DMD: variants seen among roughly 807,000 people sequenced by gnomAD.
The protein encoded by DMD is mutant dystrophin.
A neutral mutation model predicts 330.1 loss-of-function variants in DMD; 63 were observed. That is an observed-to-expected ratio of 0.19 (90% CI 0.16 to 0.24). DMD has a LOEUF of 0.24. DMD is among the 10% of genes least tolerant of loss of function. The pLI is 1.00. For missense variants in DMD, 3,344 were observed against 2,684.1 expected, an observed-to-expected ratio of 1.25 and a Z score of -5.43; for synonymous variants, 1,223 against 959.8, an observed-to-expected ratio of 1.27 and a Z score of -5.07.
chrX:31,499,245 AT>A (rs1480669310), intron 56 of DMD, among the ~76,000 whole-genome samples: 1 of 111,378 alleles, frequency 9.0e-6, no homozygotes, highest in Admixed American at 9.6e-5. Flanking sequence ...ACGATGACTA[AT>A]GTTTGGCCTC....
At chrX:32,914,921 T>C (rs925783562) in intron 2 of DMD, among the ~76,000 whole-genome samples, 3 of 111,883 alleles carry the variant, frequency 2.7e-5, no homozygotes, top group African/African-American at 9.7e-5. Context: ...CATTTTTTTT[T>C]TGGATGAGAA....
At chrX:32,952,293 C>T (rs1439603162) in intron 2 of DMD, among the ~76,000 whole-genome samples, 1 of 110,293 alleles carries the variant, frequency 9.1e-6, no homozygotes, top group East Asian at 2.8e-4. Context: ...ACCACTGCAC[C>T]CGGCTAATTT....
chrX:32,389,738 T>C, intron 31 of DMD, 64 bp from the exon 32 acceptor site: 1 of 1,026,140 alleles, frequency 9.7e-7, no homozygotes, highest in Non-Finnish European at 1.4e-6. Context: ...CTGGTCCTAT[T>C]TTTATTGATA....
chrX:32,081,876 T>C (rs185646075), intron 44 of DMD, among the ~76,000 whole-genome samples: 40 of 110,006 alleles, frequency 3.6e-4, no homozygotes, highest in Non-Finnish European at 6.5e-4. Flanking sequence ...ATAATAATAA[T>C]AACAACAAAT....
chrX:32,549,925 T>C (rs1474548626), intron 16 of DMD, among the ~76,000 whole-genome samples: 1 of 112,474 alleles, frequency 8.9e-6, no homozygotes, highest in Non-Finnish European at 1.9e-5. Context: ...AATAAAATAC[T>C]TTTTTTCTAC....
chrX:32,688,114 G>C (rs1480894858), intron 9 of DMD, among the ~76,000 whole-genome samples: 1 of 111,668 alleles, frequency 9.0e-6, no homozygotes, highest in Non-Finnish European at 1.9e-5. Flanking sequence ...GCCCTGACCT[G>C]CTTAAACACC....
At chrX:32,629,792 A>G (rs2058612283) in intron 11 of DMD, among the ~76,000 whole-genome samples, 1 of 97,775 alleles carries the variant, frequency 1.0e-5, no homozygotes, top group African/African-American at 4.4e-5. Context: ...ATAAGCAAAG[A>G]GAAAACTAAA....
At chrX:32,659,335 C>T (rs2060798001) in intron 9 of DMD, among the ~76,000 whole-genome samples, 2 of 111,636 alleles carry the variant, frequency 1.8e-5, no homozygotes. Flanking sequence ...ATTCCTTAAA[C>T]AAAGATGTGG....
rs751010673 is a variant in DMD at position 32,730,993 on chromosome X, G to A, written c.650-31700C>T. Among the ~76,000 whole-genome samples the A allele has an allele frequency of 1.2e-4, 13 of 111,802 alleles. No individual in the cohort carries two copies. In the East Asian group the frequency reaches 2.6e-3, roughly 22 times the overall value. The stretch of plus-strand genomic sequence containing the variant: ...ACGGGTGATTTCTGCATTTCCATCT[G>A]AGGTACCAGGTTCATCTCACTAGGG... On this transcript the variant is annotated intron_variant, in intron 7 of 78. Transcript: ENST00000357033.
intron 1 of DMD, among the ~76,000 whole-genome samples, chrX:33,321,275 T>C (rs1460485102): frequency 9.0e-6 from 1 of 111,561 alleles, no homozygotes. Flanking sequence ...ATTTCTTAAA[T>C]AATGAGACAT....
At chrX:33,130,270 C>A (rs2095491230) in intron 1 of DMD, among the ~76,000 whole-genome samples, 1 of 111,703 alleles carries the variant, frequency 9.0e-6, no homozygotes, top group Admixed American at 9.5e-5. Flanking sequence ...AAGTTGTTCA[C>A]AATTGCACAA....
intron 9 of DMD, among the ~76,000 whole-genome samples, chrX:32,651,589 G>T (rs186935814): frequency 9.0e-6 from 1 of 111,608 alleles, no homozygotes; most frequent in Non-Finnish European, 1.9e-5. Flanking sequence ...AATAATGCAC[G>T]CAAGTCACAG....
intron 43 of DMD, among the ~76,000 whole-genome samples, chrX:32,257,986 A>G (rs777039943): frequency 1.9e-4 from 21 of 109,818 alleles, no homozygotes; most frequent in African/African-American, 6.9e-4. Flanking sequence ...AAAAAAACCC[A>G]TCAGAAAGTG....
chrX:31,958,741 GCCACCAT>G (rs2095271459), intron 45 of DMD, among the ~76,000 whole-genome samples: 1 of 112,040 alleles, frequency 8.9e-6, no homozygotes, highest in Admixed American at 9.4e-5. Context: ...AATGGAGATT[GCCACCAT>G]CTCTACATTG....
chrX:33,233,388 C>A (rs139667292), intron 1 of DMD, among the ~76,000 whole-genome samples: 2,016 of 111,495 alleles, frequency 0.018, 105 homozygotes, highest in Admixed American at 0.12. Flanking sequence ...CTGTAAACAA[C>A]AATATCTCTC....
At chrX:31,849,787 T>C (rs2093490322) in intron 48 of DMD, among the ~76,000 whole-genome samples, 1 of 111,187 alleles carries the variant, frequency 9.0e-6, no homozygotes, top group Admixed American at 9.6e-5. Flanking sequence ...TAATGCTTGG[T>C]TTTCTAATCA....
At chrX:32,658,653 C>T (rs747699817) in intron 9 of DMD, among the ~76,000 whole-genome samples, 6 of 111,038 alleles carry the variant, frequency 5.4e-5, no homozygotes, top group Admixed American at 4.8e-4. Context: ...AATCTCTCCC[C>T]CTCCAATTGA....
At chrX:33,011,114 T>C (rs1170038546) in intron 2 of DMD, among the ~76,000 whole-genome samples, 2 of 111,677 alleles carry the variant, frequency 1.8e-5, no homozygotes, top group Admixed American at 9.6e-5. Context: ...ATGTAAAGGG[T>C]AGACTTCAGA....
chrX:32,365,278 T>C, intron 34 of DMD, 79 bp from the exon 35 acceptor site: 4 of 990,629 alleles, frequency 4.0e-6, no homozygotes, highest in Non-Finnish European at 5.7e-6. Context: ...GCTTTCTGTA[T>C]GGTTACTATG....
Sources: allele counts gnomAD v4.1 joint callset (sites outside exome capture counted in the v4.1 genomes callset), GRCh38; gene constraint gnomAD v4.1.1; transcripts MANE v1.5; gene names NCBI Gene and HGNC (gene_info 2026-07-23, HGNC 2026-07-21).